AP3S2: variants seen among roughly 807,000 people sequenced by gnomAD.
AP3S2 encodes the protein AP-3 complex subunit sigma-2.
In AP3S2, 22 loss-of-function variants were observed where a neutral mutation model predicts 23.4. That is an observed-to-expected ratio of 0.94 (90% CI 0.67 to 1.34). The LOEUF is 1.34. AP3S2 is among the 40% of genes most tolerant of loss of function. The pLI, the probability that AP3S2 is intolerant of heterozygous loss-of-function variation, is 0.00. For missense variants in AP3S2, 241 were observed against 236.9 expected, an observed-to-expected ratio of 1.02 and a Z score of -0.11; for synonymous variants, 86 against 87.1, an observed-to-expected ratio of 0.99 and a Z score of 0.07.
chr15:89,848,348 G>A (rs1895546262), intron 4 of AP3S2, among the ~76,000 whole-genome samples: 1 of 152,320 alleles, frequency 6.6e-6, no homozygotes, highest in Admixed American at 6.5e-5. Context: ...TATATAAAAA[G>A]CTGAGTGCTG....
chr15:89,873,286 CT>C (rs71461825), intron 3 of AP3S2, among the ~76,000 whole-genome samples: 1,996 of 134,480 alleles, frequency 0.015, 42 homozygotes, highest in African/African-American at 0.047. Flanking sequence ...TGTCTGTCTT[CT>C]TTTTTTTTTT....
chr15:89,889,196 T>A (rs1420963162), intron 1 of AP3S2, 56 bp from the exon 2 acceptor site: 12 of 1,584,024 alleles, frequency 7.6e-6, no homozygotes, highest in Non-Finnish European at 1.0e-5. Flanking sequence ...CTACATCCCA[T>A]CCATGGGGAT....
intron 3 of AP3S2, 119 bp downstream of exon 3, chr15:89,888,402 A>C: frequency 1.1e-6 from 1 of 879,252 alleles, no homozygotes. Flanking sequence ...TCTGGTGGAC[A>C]TCTGGCAACT....
At chr15:89,843,562 G>A (rs1567173428) in intron 4 of AP3S2, among the ~76,000 whole-genome samples, 1 of 152,136 alleles carries the variant, frequency 6.6e-6, no homozygotes, top group Non-Finnish European at 1.5e-5. Context: ...TTGAACCCGG[G>A]AGGTGGAGGC....
rs781506231 is a variant in AP3S2 at position 89,882,366 on chromosome 15, CT to C, written c.273+6154del. Among the ~76,000 whole-genome samples the C allele has an allele frequency of 1.4e-3, 197 of 142,554 alleles. No individual in the cohort carries two copies. The Middle Eastern group carries it at 0.015, about 11-fold the overall frequency. The allele number at this position is 142,554 out of a possible 152,430, so 93.5% of individuals were successfully genotyped here. The stretch of plus-strand genomic sequence containing the variant: ...CCCCCCTGTTCTGCTTTGACCTACT[CT>C]TTTTTTTTTTTTTGAGACGGAGTTT... On this transcript the variant is annotated intron_variant, in intron 3 of 5. Transcript: ENST00000336418.
intron 4 of AP3S2, among the ~76,000 whole-genome samples, chr15:89,867,017 C>G (rs1350092283): frequency 8.0e-6 from 1 of 124,896 alleles, no homozygotes; most frequent in African/African-American, 3.0e-5. Flanking sequence ...CCTACCCCTC[C>G]CCCTCCCCCT....
At chr15:89,857,652 T>C (rs12594808) in intron 4 of AP3S2, among the ~76,000 whole-genome samples, 111,145 of 152,214 alleles carry the variant, frequency 0.73, 40,749 homozygotes, top group East Asian at 0.8. Context: ...AACCATGTTT[T>C]CTTCTTATTA....
intron 4 of AP3S2, among the ~76,000 whole-genome samples, chr15:89,853,650 A>G (rs1376436546): frequency 3.2e-5 from 4 of 126,870 alleles, no homozygotes; most frequent in Non-Finnish European, 6.6e-5. Flanking sequence ...CCGCCATCCC[A>G]TCTAGGAAGT....
intron 5 of AP3S2, among the ~76,000 whole-genome samples, chr15:89,836,335 TACAAA>T (rs1312185608): frequency 2.0e-5 from 3 of 152,284 alleles, no homozygotes; most frequent in Non-Finnish European, 4.4e-5. Flanking sequence ...CTTTTCTGGT[TACAAA>T]ACAAAACAAA....
At chr15:89,867,884 G>A (rs28665250) in intron 4 of AP3S2, among the ~76,000 whole-genome samples, 18 of 123,608 alleles carry the variant, frequency 1.5e-4, no homozygotes, top group Non-Finnish European at 1.8e-4. Flanking sequence ...AGTGAGGAGC[G>A]GCTCCGCCCG....
chr15:89,892,242 CATGGAGAAATAGGG>C (rs1896836719), intron 1 of AP3S2, among the ~76,000 whole-genome samples: 1 of 152,132 alleles, frequency 6.6e-6, no homozygotes, highest in East Asian at 1.9e-4. Context: ...CTGGGAGAGT[CATGGAGAAATAGGG>C]AGTGACTGCT....
At position 89,871,475 on chromosome 15, in the gene AP3S2, C is replaced by T. The variant is rs1896317324; in HGVS notation, c.345G>A (p.Lys115=). The change falls in exon 4 of 6, where the codon AAG becomes AAA. Residue 115 remains lysine (K), a splice_region_variant and synonymous_variant. Coordinates refer to ENST00000336418, the MANE Select transcript of AP3S2 (RefSeq NM_005829.5). The part of the protein sequence containing the change: ...CELDLIFHMD[K]VHYILQEVVM... ...GGAAGAGAACTGCAAGAGAATATACCTTATCCATATGGAAGATCAAATCCA... is the reference window on the plus strand; with the variant it reads ...GGAAGAGAACTGCAAGAGAATATACTTTATCCATATGGAAGATCAAATCCA... 1 of 1,613,278 alleles carries T rather than the reference C, an allele frequency of 6.2e-7. No homozygotes were observed.
intron 1 of AP3S2, among the ~76,000 whole-genome samples, chr15:89,891,430 G>T (rs1239242509): frequency 6.6e-6 from 1 of 152,130 alleles, no homozygotes; most frequent in Non-Finnish European, 1.5e-5. Flanking sequence ...AGGCCAAGAC[G>T]GGCAGATTAC....
At chr15:89,862,032 T>C (rs1463783641) in intron 4 of AP3S2, among the ~76,000 whole-genome samples, 1 of 152,142 alleles carries the variant, frequency 6.6e-6, no homozygotes, top group Non-Finnish European at 1.5e-5. Flanking sequence ...TGGCCAGTAG[T>C]TACGGAAGTA....
chr15:89,861,141 T>G (rs1235219426), intron 4 of AP3S2, among the ~76,000 whole-genome samples: 3 of 152,204 alleles, frequency 2.0e-5, no homozygotes, highest in Non-Finnish European at 2.9e-5. Context: ...TCCTTTCATC[T>G]TAGTGCTCAC....
Position 89,835,287 on chromosome 15 carries a change from A to T in AP3S2, c.*228T>A. 1 of 649,786 alleles carries T rather than the reference A, an allele frequency of 1.5e-6. No individual in the cohort carries two copies. Among genetic ancestry groups the T allele is most frequent in the Non-Finnish European group, 2.5e-6 (1 of 401,430 alleles). 40.3% of individuals were successfully genotyped at this position (649,786 alleles called of 1,614,324 possible). A position where few individuals can be genotyped will look rare whatever the true frequency, so the allele number is the denominator to read the frequency against. On this transcript the variant is annotated 3_prime_UTR_variant, in exon 6 of 6. Coordinates refer to ENST00000336418, the MANE Select transcript of AP3S2 (RefSeq NM_005829.5). Reference sequence around the variant, plus strand: ...GGCCCCTCACATCTGCAGTGGCCGTATGCATCAGAGAACGGCATGACTGCA... The same window carrying T: ...GGCCCCTCACATCTGCAGTGGCCGTTTGCATCAGAGAACGGCATGACTGCA...
At chr15:89,838,715 A>G (rs775586147) in intron 4 of AP3S2, among the ~76,000 whole-genome samples, 7 of 152,220 alleles carry the variant, frequency 4.6e-5, no homozygotes, top group Non-Finnish European at 1.0e-4. Context: ...TGGGGAAGTC[A>G]GAGAAGAAAG....
At chr15:89,854,431 G>A (rs1596197009) in intron 4 of AP3S2, among the ~76,000 whole-genome samples, 3 of 52,378 alleles carry the variant, frequency 5.7e-5, no homozygotes, top group African/African-American at 1.5e-4. Flanking sequence ...CGCCCCGTCC[G>A]GGAGGTGAGG....
At chr15:89,856,014 A>G (rs1895826667) in intron 4 of AP3S2, among the ~76,000 whole-genome samples, 1 of 151,580 alleles carries the variant, frequency 6.6e-6, no homozygotes, top group South Asian at 2.1e-4. Context: ...ACTGAAGAAA[A>G]CTGAGGCACA....
Sources: gnomAD v4.1 joint callset for allele counts (sites outside exome capture counted in the v4.1 genomes callset) on GRCh38, gnomAD v4.1.1 for gene constraint, MANE v1.5 for transcripts, NCBI Gene and HGNC (gene_info 2026-07-23, HGNC 2026-07-21) for gene names.